The following ATAD2 variants were observed in gnomAD, a reference collection of about 807,000 sequenced individuals.
The protein encoded by ATAD2 is ATPase family AAA domain-containing protein 2.
Under a neutral mutation model 168.9 loss-of-function variants are expected in ATAD2, and 62 were observed. The ratio of observed to expected loss-of-function variants is 0.37; its 90% confidence interval spans 0.30 to 0.45. The LOEUF (loss-of-function observed/expected upper bound fraction) is 0.45, where lower values mean the gene tolerates loss of function less well. ATAD2 is among the 20% of genes least tolerant of loss of function. ATAD2 has a pLI of 1.00. For synonymous variants in ATAD2, 613 were observed against 571.6 expected (o/e 1.07, Z -1.03); for missense variants, 1,419 against 1,667.8 (o/e 0.85, Z 2.60).
intron 24 of ATAD2, among the ~76,000 whole-genome samples, chr8:123,330,864 A>C (rs1827757991): frequency 6.6e-6 from 1 of 152,314 alleles, no homozygotes; most frequent in South Asian, 2.1e-4. Context: ...TATTTCACAA[A>C]AAGTACAAAG....
intron 13 of ATAD2, among the ~76,000 whole-genome samples, chr8:123,353,656 C>T (rs1828544933): frequency 2.6e-5 from 4 of 152,004 alleles, no homozygotes; most frequent in Admixed American, 2.6e-4. Flanking sequence ...CGCCATCTCT[C>T]CTGAGTCCTA....
At chr8:123,410,964 G>A (rs898999767) in intron 1 of ATAD2, among the ~76,000 whole-genome samples, 2 of 152,156 alleles carry the variant, frequency 1.3e-5, no homozygotes, top group East Asian at 3.9e-4. Flanking sequence ...TGGGTTCCAC[G>A]GTTCTCTTCC....
chr8:123,369,954 A>ATCATCATCTTCATCATCT lies in ATAD2; in HGVS notation c.780_797dup (p.Glu260_Asp265dup), dbSNP rs746765858. 1.3e-6 allele frequency: 2 copies of ATCATCATCTTCATCATCT among 1,578,810 alleles called. No homozygotes were observed. The highest frequency in any genetic ancestry group is 2.2e-5 in the East Asian group (1 of 44,568). Reference sequence around the variant, plus strand: ...CATCATCATCATCATCGTCATCATCATCATCATCTTCATCATCTTCATCTT... The same window carrying ATCATCATCTTCATCATCT: ...CATCATCATCATCATCGTCATCATCATCATCATCTTCATCATCTTCATCATCTTCATCATCTTCATCTT... On this transcript the variant is annotated inframe_insertion, in exon 7 of 28. Coordinates refer to ENST00000287394, the MANE Select transcript of ATAD2 (RefSeq NM_014109.4).
At chr8:123,368,065 T>C (rs921623494) in intron 8 of ATAD2, among the ~76,000 whole-genome samples, 1 of 152,190 alleles carries the variant, frequency 6.6e-6, no homozygotes. Context: ...CTTAGTCTTC[T>C]CTCTCATTCA....
At chr8:123,354,932 G>T (rs1351624202) in intron 13 of ATAD2, among the ~76,000 whole-genome samples, 1 of 123,122 alleles carries the variant, frequency 8.1e-6, no homozygotes, top group Non-Finnish European at 1.6e-5. Flanking sequence ...TAATTTTTTT[G>T]CCAAAATTCC....
In ATAD2 at chr8:123,359,241, T is replaced by G; in HGVS notation, c.1362A>C (p.Lys454Asn). 6.3e-7 allele frequency: 1 copy of G among 1,590,390 alleles called. No homozygotes were observed. Among genetic ancestry groups the G allele is most frequent in the South Asian group, 1.2e-5 (1 of 85,794 alleles). Residue 454 changes from lysine to asparagine, a missense_variant, in exon 11 of 28, where the codon AAA becomes AAC. Lys to Asn is a moderately conservative substitution (Grantham distance 94). Coordinates refer to ENST00000287394, the MANE Select transcript of ATAD2 (RefSeq NM_014109.4). ...ATTACCTTGGGGGTTGAATTTTAAA[T>G]TTTTCAAAGACTTCTGGATAAAGTA... is the stretch of plus-strand genomic sequence containing the variant. ...FPLLYPEVFE[K>N]FKIQPPRGCL... is the part of the protein sequence containing the mutation.
rs779468755 is a variant in ATAD2 at position 123,334,277 on chromosome 8, T to C, written c.3257A>G (p.Tyr1086Cys). 3 of 1,600,248 alleles carry C rather than the reference T, an allele frequency of 1.9e-6. No individual in the cohort carries two copies. The highest frequency in any genetic ancestry group is 1.7e-6 in the Non-Finnish European group (2 of 1,176,488). The change falls in exon 23 of 28, where the codon TAT (tyrosine) becomes TGT (cysteine). Residue 1086 changes from tyrosine to cysteine, a missense_variant. This residue lies in a region of ATAD2 where 545 missense variants were observed against 724.9 expected (regional missense o/e 0.75). Transcript: ENST00000287394. The stretch of plus-strand genomic sequence containing the variant: ...ATCAAGTTCTTCTTTAATTATGGCA[T>C]AGGCAGTATCTCTTAAAGCACAGGC... ...HRACALRDTA[Y>C]AIIKEELDED...
chr8:123,377,131 C>A (rs1324683716), intron 2 of ATAD2, among the ~76,000 whole-genome samples: 1 of 105,394 alleles, frequency 9.5e-6, no homozygotes. Flanking sequence ...TGTGGTGGTG[C>A]AAACTTGCAG....
At chr8:123,336,764 A>G (rs1827925471) in intron 21 of ATAD2, among the ~76,000 whole-genome samples, 1 of 152,078 alleles carries the variant, frequency 6.6e-6, no homozygotes, top group African/African-American at 2.4e-5. Flanking sequence ...GGGCAGCTGT[A>G]TTCTCCAGTA....
rs764050815 is a variant in ATAD2 at position 123,322,949 on chromosome 8, A to T, written c.4120T>A (p.Ser1374Thr). Residue 1374 changes from serine to threonine, a missense_variant, in exon 27 of 28, where the codon TCA becomes ACA. By Grantham distance (58) the Ser-to-Thr change is moderately conservative. Around this residue, in one of 5 missense-constraint regions of ATAD2, gnomAD observed 303 missense variants for 304.3 expected, o/e 1.00. Coordinates refer to ENST00000287394, the MANE Select transcript of ATAD2 (RefSeq NM_014109.4). ...ACTCAAGAGTTTACCTGAATAAGTG[A>T]TGTTTTATCATGGTCCTTGCGATGC... Reference protein sequence around the residue: ...YRHRKDHDKTSLIQKMEQEVE... With the variant: ...YRHRKDHDKTTLIQKMEQEVE... 1 of 1,612,732 alleles carries T rather than the reference A, an allele frequency of 6.2e-7. No individual in the cohort carries two copies. Among genetic ancestry groups the T allele is most frequent in the Non-Finnish European group, 8.5e-7 (1 of 1,179,614 alleles).
intron 13 of ATAD2, among the ~76,000 whole-genome samples, chr8:123,355,172 A>C (rs1208819325): frequency 1.3e-5 from 2 of 152,146 alleles, no homozygotes; most frequent in Non-Finnish European, 2.9e-5. Context: ...ACTCACAGCA[A>C]TAAGCAAAAT....
At chr8:123,386,967 A>G (rs900409624) in intron 1 of ATAD2, among the ~76,000 whole-genome samples, 1 of 152,084 alleles carries the variant, frequency 6.6e-6, no homozygotes, top group African/African-American at 2.4e-5. Context: ...ACACTAAAAA[A>G]TTTTTAAATG....
chr8:123,325,433 C>G (rs1460081961), intron 26 of ATAD2, among the ~76,000 whole-genome samples: 1 of 152,038 alleles, frequency 6.6e-6, no homozygotes, highest in Non-Finnish European at 1.5e-5. Context: ...CAGGCACCAG[C>G]CACCACGCCC....
In ATAD2 at chr8:123,396,397, A is replaced by G. The variant is rs781638852; in HGVS notation, c.-40T>C. 2.6e-6 allele frequency: 4 copies of G among 1,519,968 alleles called. No individual in the cohort carries two copies. The highest frequency in any genetic ancestry group is 2.4e-5 in the East Asian group (1 of 41,492). 94.2% of individuals were successfully genotyped at this position (1,519,968 alleles called of 1,614,324 possible). The stretch of plus-strand genomic sequence containing the variant: ...GGCCTCGGCGTGCGCGACCGGAGAG[A>G]GATCCAGCTCCAGGCGCTCGCAGCT... On this transcript the variant is annotated 5_prime_UTR_variant, in exon 1 of 28. Coordinates refer to ENST00000287394, the MANE Select transcript of ATAD2 (RefSeq NM_014109.4).
intron 2 of ATAD2, among the ~76,000 whole-genome samples, chr8:123,378,958 AT>A (rs942930951): frequency 2.0e-5 from 3 of 151,536 alleles, no homozygotes; most frequent in African/African-American, 7.3e-5. Flanking sequence ...TGCCCAGATA[AT>A]TTTTTTATTT....
Position 123,334,005 on chromosome 8 carries a change from T to G in ATAD2, c.3351A>C (p.Lys1117Asn). ...TCACATGGTAGTAAGACGGGGCATA[T>G]TTGGAGGAGCTACAACCTTATAAAT... is the stretch of plus-strand genomic sequence containing the variant. ...SRKKRGCSSS[K>N]YAPSYYHVMP... The change falls in exon 24 of 28, where the codon AAA (lysine) becomes AAC (asparagine). Residue 1117 changes from lysine (K) to asparagine (N), a missense_variant. This residue lies in a region of ATAD2 where 545 missense variants were observed against 724.9 expected (regional missense o/e 0.75). Coordinates refer to ENST00000287394, the MANE Select transcript of ATAD2 (RefSeq NM_014109.4). The G allele has an allele frequency of 6.2e-7, 1 of 1,613,932 alleles. No homozygotes were observed. The highest frequency in any genetic ancestry group is 8.5e-7 in the Non-Finnish European group (1 of 1,179,906).
chr8:123,386,061 G>A (rs934699516), intron 1 of ATAD2, among the ~76,000 whole-genome samples: 1 of 151,176 alleles, frequency 6.6e-6, no homozygotes, highest in Middle Eastern at 3.2e-3. Flanking sequence ...TGTTGGTGAG[G>A]ATGTAGAGAA....
intron 9 of ATAD2, among the ~76,000 whole-genome samples, chr8:123,361,138 G>A (rs188935935): frequency 1.7e-3 from 265 of 151,698 alleles, no homozygotes; most frequent in African/African-American, 6.2e-3. Flanking sequence ...CCAACATGGC[G>A]AAACCTCATC....
At chr8:123,410,457 T>C (rs762504884) in intron 1 of ATAD2, among the ~76,000 whole-genome samples, 32 of 152,148 alleles carry the variant, frequency 2.1e-4, no homozygotes, top group Non-Finnish European at 3.4e-4. Flanking sequence ...TGGCTAATTT[T>C]GTATTTTTAG....
Sources: gnomAD v4.1 joint callset for allele counts (sites outside exome capture counted in the v4.1 genomes callset) on GRCh38, gnomAD v4.1.1 for gene constraint, gnomAD v4.1.1 regional missense constraint, MANE v1.5 for transcripts, NCBI Gene and HGNC (gene_info 2026-07-23, HGNC 2026-07-21) for gene names.